The following TLL1 variants were observed in gnomAD, a reference collection of about 807,000 sequenced individuals.
The protein encoded by TLL1 is tolloid like 1.
In TLL1, 49 loss-of-function variants were observed where a neutral mutation model predicts 128.2. The observed-to-expected ratio is 0.38, with a 90% CI of 0.30 to 0.48. The LOEUF (loss-of-function observed/expected upper bound fraction) is 0.48, where lower values mean the gene tolerates loss of function less well. Among genes scored for constraint, TLL1 ranks in the 20% least tolerant of loss-of-function variants. The pLI is 0.96. For synonymous variants in TLL1, 454 were observed against 418.8 expected (o/e 1.08, Z -1.03); for missense variants, 1,123 against 1,242.0 (o/e 0.90, Z 1.44).
chr4:166,020,365 A>G (rs551014183), intron 8 of TLL1, among the ~76,000 whole-genome samples: 9 of 152,314 alleles, frequency 5.9e-5, no homozygotes, highest in African/African-American at 2.2e-4. Flanking sequence ...TACTGTGACA[A>G]CAGATGTCCA....
At chr4:165,877,979 T>C (rs1330278736) in intron 1 of TLL1, among the ~76,000 whole-genome samples, 1 of 152,170 alleles carries the variant, frequency 6.6e-6, no homozygotes, top group African/African-American at 2.4e-5. Flanking sequence ...CAAAAGACTT[T>C]CTACCTAGAA....
chr4:166,076,922 C>T (rs1162120584), intron 17 of TLL1, among the ~76,000 whole-genome samples: 1 of 152,178 alleles, frequency 6.6e-6, no homozygotes, highest in Non-Finnish European at 1.5e-5. Flanking sequence ...GCAGCAACTA[C>T]AGCAGGTGCA....
intron 1 of TLL1, among the ~76,000 whole-genome samples, chr4:165,903,923 A>C (rs1732130551): frequency 6.6e-6 from 1 of 152,096 alleles, no homozygotes; most frequent in East Asian, 1.9e-4. Flanking sequence ...TTTTTTTGGT[A>C]TAAAAGTAAA....
chr4:165,923,141 A>G (rs1733110283), intron 1 of TLL1, among the ~76,000 whole-genome samples: 1 of 152,136 alleles, frequency 6.6e-6, no homozygotes, highest in Admixed American at 6.6e-5. Flanking sequence ...GCACATAAAT[A>G]AACAGTACAA....
rs1740457992 is a variant in TLL1, at chr4:166,063,951, A to G, written c.2008-1732A>G. On this transcript the variant is annotated intron_variant, in intron 15 of 20. Coordinates refer to ENST00000061240, the MANE Select transcript of TLL1 (RefSeq NM_012464.5). Reference sequence around the variant, plus strand: ...CATGGCACGTGTATACGTATGTAACAAACTTCACGTTGTGCACATGTACCC... The same window carrying G: ...CATGGCACGTGTATACGTATGTAACGAACTTCACGTTGTGCACATGTACCC... Among the ~76,000 whole-genome samples the G allele has an allele frequency of 2.0e-5, 3 of 152,048 alleles. No homozygotes were observed. The South Asian group carries it at 6.2e-4, about 32-fold the overall frequency.
intron 11 of TLL1, among the ~76,000 whole-genome samples, 161 bp from the exon 12 acceptor site, chr4:166,043,113 A>G (rs911368151): frequency 6.6e-6 from 1 of 152,130 alleles, no homozygotes. Flanking sequence ...TTTTTACCAC[A>G]TAAATATTTG....
chr4:166,042,783 T>C lies in TLL1; in HGVS notation c.1379-491T>C, dbSNP rs1434836781. On this transcript the variant is annotated intron_variant, in intron 11 of 20. Transcript: ENST00000061240. The stretch of plus-strand genomic sequence containing the variant: ...AACTTTTAAGTAAACGGAAGCATTT[T>C]GTTTTAAGGATTAACTGCCTAGTAG... 3.3e-5 allele frequency among the ~76,000 whole-genome samples: 5 copies of C among 152,316 alleles called. No homozygotes were observed. The East Asian group carries it at 9.7e-4, about 29-fold the overall frequency.
chr4:165,877,662 G>T (rs1018627845), intron 1 of TLL1, among the ~76,000 whole-genome samples: 1 of 152,144 alleles, frequency 6.6e-6, no homozygotes, highest in Non-Finnish European at 1.5e-5. Context: ...TGGAAAAGCA[G>T]ATACCTGATG....
intron 1 of TLL1, among the ~76,000 whole-genome samples, chr4:165,978,070 T>C (rs986382548): frequency 2.6e-5 from 4 of 152,166 alleles, no homozygotes; most frequent in Admixed American, 6.5e-5. Context: ...GCTTACACAA[T>C]TTTTCCTAAC....
intron 1 of TLL1, among the ~76,000 whole-genome samples, chr4:165,984,201 A>G (rs960581687): frequency 6.6e-6 from 1 of 151,878 alleles, no homozygotes; most frequent in Non-Finnish European, 1.5e-5. Flanking sequence ...GATTCTATAT[A>G]AAATATGTTT....
Position 165,958,879 on chromosome 4 carries a change from A to G in TLL1, c.170-30502A>G, listed in dbSNP as rs1323310725. Among the ~76,000 whole-genome samples, 695 of 140,674 alleles carry G rather than the reference A, an allele frequency of 4.9e-3. 6 individuals are homozygous for G. The highest frequency in any genetic ancestry group is 0.018 in the African/African-American group (651 of 35,736). 92.3% of individuals were successfully genotyped at this position (140,674 alleles called of 152,430 possible). A position where few individuals can be genotyped will look rare whatever the true frequency, so the allele number is the denominator to read the frequency against. On this transcript the variant is annotated intron_variant, in intron 1 of 20. Transcript: ENST00000061240. ...TTAAGTCTTTAATCCATCTTGAATT[A>G]ATTTTTGTATAAGGTGTAAGGAAGG...
chr4:166,017,407 A>G (rs978816337), intron 8 of TLL1, among the ~76,000 whole-genome samples: 1 of 151,992 alleles, frequency 6.6e-6, no homozygotes, highest in Non-Finnish European at 1.5e-5. Context: ...ATACCAGTGC[A>G]TGTGTCTTTT....
chr4:166,028,447 G>T (rs1738608000), intron 9 of TLL1, among the ~76,000 whole-genome samples: 1 of 151,988 alleles, frequency 6.6e-6, no homozygotes, highest in African/African-American at 2.4e-5. Context: ...GACCTTGGAA[G>T]TGACTAGTAT....
chr4:165,988,020 A>T (rs998363551), intron 1 of TLL1, among the ~76,000 whole-genome samples: 3 of 152,146 alleles, frequency 2.0e-5, no homozygotes, highest in Non-Finnish European at 4.4e-5. Flanking sequence ...TGTAAAAAAC[A>T]AATATCCCTG....
intron 12 of TLL1, among the ~76,000 whole-genome samples, chr4:166,051,828 T>C (rs1739754304): frequency 6.6e-6 from 1 of 152,200 alleles, no homozygotes; most frequent in Non-Finnish European, 1.5e-5. Flanking sequence ...TGGCATTCAC[T>C]GTGTGAGAAT....
At chr4:166,038,237 T>TCTTCTTTTTTTCTTCCTTC (rs1739085899) in intron 9 of TLL1, among the ~76,000 whole-genome samples, 1 of 152,176 alleles carries the variant, frequency 6.6e-6, no homozygotes, top group Non-Finnish European at 1.5e-5. Context: ...TGCCTTTCTT[T>TCTTCTTTTTTTCTTCCTTC]CTTCTTTTTT....
chr4:166,014,315 G>C (rs1737836295), intron 7 of TLL1, 121 bp from the exon 8 acceptor site: 1 of 1,450,366 alleles, frequency 6.9e-7, no homozygotes, highest in Non-Finnish European at 9.6e-7. Flanking sequence ...ACTGCTTAAA[G>C]CACACAAGGT....
intron 1 of TLL1, among the ~76,000 whole-genome samples, chr4:165,902,300 A>C (rs1194834622): frequency 2.7e-5 from 4 of 149,198 alleles, no homozygotes; most frequent in African/African-American, 1.0e-4. Flanking sequence ...ATGAAAAAAA[A>C]ACAAAAAAAC....
intron 12 of TLL1, among the ~76,000 whole-genome samples, chr4:166,052,967 A>G (rs7661510): frequency 0.14 from 8,485 of 59,336 alleles, 965 homozygotes; most frequent in African/African-American, 0.24. Flanking sequence ...GGTTATGTGT[A>G]TATATATATA....
Sources: gnomAD v4.1 joint callset for allele counts (sites outside exome capture counted in the v4.1 genomes callset) on GRCh38, gnomAD v4.1.1 for gene constraint, MANE v1.5 for transcripts, NCBI Gene and HGNC (gene_info 2026-07-23, HGNC 2026-07-21) for gene names.